The following AGBL4 variants were observed in gnomAD, a reference collection of about 807,000 sequenced individuals.
The protein encoded by AGBL4 is cytosolic carboxypeptidase 6.
Under a neutral mutation model 66.4 loss-of-function variants are expected in AGBL4, and 58 were observed. The ratio of observed to expected loss-of-function variants is 0.87; its 90% CI spans 0.71 to 1.09. The LOEUF (loss-of-function observed/expected upper bound fraction) is 1.09, where lower values mean the gene tolerates loss of function less well. AGBL4 is among the 50% of genes least tolerant of loss of function. The pLI is 0.00. For missense variants in AGBL4, 579 were observed against 631.0 expected, an observed-to-expected ratio of 0.92 and a Z score of 0.88; for synonymous variants, 234 against 222.9, an observed-to-expected ratio of 1.05 and a Z score of -0.44.
intron 4 of AGBL4, among the ~76,000 whole-genome samples, chr1:49,168,427 T>G (rs1329804788): frequency 6.6e-6 from 1 of 152,216 alleles, no homozygotes; most frequent in Non-Finnish European, 1.5e-5. Context: ...GTTTTTTCCT[T>G]GATGCTACCA....
chr1:49,255,901 A>G (rs773938520), intron 3 of AGBL4, among the ~76,000 whole-genome samples: 4 of 152,190 alleles, frequency 2.6e-5, no homozygotes, highest in African/African-American at 4.8e-5. Flanking sequence ...TTAGCAAACT[A>G]AAGTAGGAAC....
chr1:49,211,067 G>A (rs1044680861), intron 4 of AGBL4, among the ~76,000 whole-genome samples: 7 of 151,884 alleles, frequency 4.6e-5, no homozygotes, highest in African/African-American at 1.4e-4. Context: ...GCCCAAGTCC[G>A]TCCCCAGCAT....
intron 11 of AGBL4, among the ~76,000 whole-genome samples, chr1:48,540,549 C>G (rs1380401118): frequency 6.6e-6 from 1 of 152,042 alleles, no homozygotes; most frequent in Non-Finnish European, 1.5e-5. Context: ...TTATTAGAGC[C>G]CTCCAGGATA....
chr1:48,535,206 C>T (rs1643949479), intron 12 of AGBL4, among the ~76,000 whole-genome samples: 1 of 152,006 alleles, frequency 6.6e-6, no homozygotes, highest in African/African-American at 2.4e-5. Flanking sequence ...AAAAAGCCAT[C>T]AACCAAAGAT....
At chr1:48,981,624 C>T (rs1052392837) in intron 5 of AGBL4, among the ~76,000 whole-genome samples, 1 of 152,128 alleles carries the variant, frequency 6.6e-6, no homozygotes, top group South Asian at 2.1e-4. Context: ...GTGGCTCATG[C>T]GTGTAATCAC....
chr1:49,220,628 TG>T (rs1036579148), intron 4 of AGBL4, among the ~76,000 whole-genome samples: 12 of 152,116 alleles, frequency 7.9e-5, no homozygotes, highest in Non-Finnish European at 1.6e-4. Context: ...TCAACTACTC[TG>T]CTCTGAGCAG....
At position 49,577,265 on chromosome 1, in the gene AGBL4, C is replaced by A. The variant is rs564737511; in HGVS notation, c.282+120048G>T. ...ACTCATTTTGTGGATACCACTCAGC[C>A]TCTTTCTCCAGTCACCCATGTCATC... On this transcript the variant is annotated intron_variant, in intron 3 of 13. Coordinates refer to ENST00000371839, the MANE Select transcript of AGBL4 (RefSeq NM_032785.4). Among the ~76,000 whole-genome samples the A allele has an allele frequency of 3.3e-5, 5 of 152,318 alleles. No homozygotes were observed. In the South Asian group the frequency reaches 1.0e-3, roughly 32 times the overall value.
At chr1:49,844,963 C>T (rs1168921089) in intron 2 of AGBL4, 2 of 1,369,782 alleles carry the variant, frequency 1.5e-6, no homozygotes, top group Non-Finnish European at 2.1e-6. Flanking sequence ...TGATTTCCTA[C>T]ATCAACCAAT....
chr1:49,077,124 T>C (rs574810729), intron 4 of AGBL4, among the ~76,000 whole-genome samples: 20 of 152,114 alleles, frequency 1.3e-4, no homozygotes, highest in Admixed American at 1.1e-3. Flanking sequence ...CTCCCTCTCA[T>C]AGATGGAAAC....
At chr1:49,978,209 G>A (rs575456671) in intron 1 of AGBL4, among the ~76,000 whole-genome samples, 3 of 152,176 alleles carry the variant, frequency 2.0e-5, no homozygotes, top group African/African-American at 7.2e-5. Context: ...TAGAACTTTG[G>A]AGGCCAAGGC....
chr1:49,799,030 GTAAAA>G (rs1306869555), intron 2 of AGBL4, among the ~76,000 whole-genome samples: 1 of 151,988 alleles, frequency 6.6e-6, no homozygotes, highest in Non-Finnish European at 1.5e-5. Flanking sequence ...TTAGCCTAAA[GTAAAA>G]TAAAATAATA....
intron 3 of AGBL4, among the ~76,000 whole-genome samples, chr1:49,380,245 T>C (rs1644570419): frequency 6.6e-6 from 1 of 152,104 alleles, no homozygotes; most frequent in Non-Finnish European, 1.5e-5. Context: ...TGAACTCCCA[T>C]TCACAGTTGC....
At chr1:49,686,862 A>G (rs983113176) in intron 3 of AGBL4, among the ~76,000 whole-genome samples, 4 of 152,222 alleles carry the variant, frequency 2.6e-5, no homozygotes, top group African/African-American at 9.6e-5. Flanking sequence ...GACACAGTAA[A>G]TAGTTGAAGT....
chr1:48,583,854 T>TTTG (rs11410020), intron 11 of AGBL4: 3 of 9,822 alleles, frequency 3.1e-4, no homozygotes, highest in Admixed American at 2.1e-3. Flanking sequence ...GAAATGAGAG[T>TTTG]TTTTTTTTTT....
At chr1:48,928,050 A>G (rs1402015867) in intron 5 of AGBL4, among the ~76,000 whole-genome samples, 1 of 152,310 alleles carries the variant, frequency 6.6e-6, no homozygotes, top group African/African-American at 2.4e-5. Flanking sequence ...GATCTGAGAA[A>G]GTTTTGAAAA....
chr1:49,895,502 T>C (rs1424293225), intron 1 of AGBL4, among the ~76,000 whole-genome samples: 1 of 151,968 alleles, frequency 6.6e-6, no homozygotes, highest in Non-Finnish European at 1.5e-5. Flanking sequence ...AAGACATAAA[T>C]AGTACAATAA....
intron 5 of AGBL4, among the ~76,000 whole-genome samples, chr1:48,916,510 G>C (rs1380014012): frequency 3.3e-5 from 5 of 152,094 alleles, no homozygotes; most frequent in Non-Finnish European, 7.3e-5. Context: ...GCTTATTTCA[G>C]TTAAATTTCC....
intron 3 of AGBL4, among the ~76,000 whole-genome samples, chr1:49,525,203 T>G (rs1487190213): frequency 6.6e-6 from 1 of 152,056 alleles, no homozygotes; most frequent in Non-Finnish European, 1.5e-5. Context: ...GAGTTTATAT[T>G]GTATTGGAGG....
At chr1:49,449,009 A>G (rs910364917) in intron 3 of AGBL4, among the ~76,000 whole-genome samples, 1 of 152,086 alleles carries the variant, frequency 6.6e-6, no homozygotes, top group Non-Finnish European at 1.5e-5. Context: ...GATAATGTTT[A>G]TAAAATAATT....
Sources: allele counts gnomAD v4.1 joint callset (sites outside exome capture counted in the v4.1 genomes callset), GRCh38; gene constraint gnomAD v4.1.1; transcripts MANE v1.5; gene names NCBI Gene and HGNC (gene_info 2026-07-23, HGNC 2026-07-21).